DIAPH3: variants seen among roughly 807,000 people sequenced by gnomAD.
The protein encoded by DIAPH3 is protein diaphanous homolog 3.
DIAPH3 carries 117 observed loss-of-function variants against 144.3 expected under a neutral mutation model. The observed-to-expected ratio is 0.81, with a 90% CI of 0.70 to 0.95. DIAPH3 has a LOEUF of 0.95. DIAPH3 is among the 40% of genes least tolerant of loss of function. The pLI is 0.00. For synonymous variants in DIAPH3, 519 were observed against 488.9 expected, an observed-to-expected ratio of 1.06 and a Z score of -0.81; for missense variants, 1,421 against 1,412.7, an observed-to-expected ratio of 1.01 and a Z score of -0.09.
intron 22 of DIAPH3, among the ~76,000 whole-genome samples, chr13:59,859,896 A>G (rs1330600685): frequency 1.3e-5 from 2 of 152,100 alleles, no homozygotes; most frequent in African/African-American, 4.8e-5. Context: ...ATCTATAACT[A>G]TATATATGGG....
At chr13:59,824,525 G>A (rs1301036539) in intron 24 of DIAPH3, among the ~76,000 whole-genome samples, 1 of 152,118 alleles carries the variant, frequency 6.6e-6, no homozygotes, top group African/African-American at 2.4e-5. Flanking sequence ...CCTATCATAG[G>A]CAGGTTTCAT....
intron 21 of DIAPH3, among the ~76,000 whole-genome samples, chr13:59,868,066 AT>A (rs1405349405): frequency 6.6e-6 from 1 of 152,088 alleles, no homozygotes; most frequent in Non-Finnish European, 1.5e-5. Flanking sequence ...TGGCACTTTC[AT>A]AGTGCCAGTC....
At chr13:59,973,469 C>T (rs2050502018) in intron 15 of DIAPH3, among the ~76,000 whole-genome samples, 1 of 151,854 alleles carries the variant, frequency 6.6e-6, no homozygotes, top group Admixed American at 6.6e-5. Context: ...CCTCTTGCAG[C>T]ACTAAAGAAA....
chr13:59,734,255 T>C (rs183348084), intron 27 of DIAPH3, among the ~76,000 whole-genome samples: 1 of 152,118 alleles, frequency 6.6e-6, no homozygotes, highest in East Asian at 1.9e-4. Flanking sequence ...ACATAATACG[T>C]GACATTCTGC....
chr13:59,780,715 A>C (rs1161848056), intron 25 of DIAPH3, among the ~76,000 whole-genome samples: 1 of 152,216 alleles, frequency 6.6e-6, no homozygotes, highest in African/African-American at 2.4e-5. Flanking sequence ...TGCTAAGGAC[A>C]TGTCTGAGAT....
chr13:59,900,547 G>A (rs1438483714), intron 20 of DIAPH3, among the ~76,000 whole-genome samples: 1 of 152,196 alleles, frequency 6.6e-6, no homozygotes, highest in African/African-American at 2.4e-5. Flanking sequence ...TTTGAGAGGT[G>A]ATAACCAGCA....
chr13:60,155,277 G>A (rs1951970619), intron 1 of DIAPH3, among the ~76,000 whole-genome samples: 1 of 152,042 alleles, frequency 6.6e-6, no homozygotes. Flanking sequence ...AAGCAATTAA[G>A]CCCTGTTCTA....
At chr13:60,114,606 C>T (rs1310066490) in intron 2 of DIAPH3, among the ~76,000 whole-genome samples, 1 of 149,984 alleles carries the variant, frequency 6.7e-6, no homozygotes, top group African/African-American at 2.5e-5. Flanking sequence ...ATTCACAGAT[C>T]CAAGAAGCTC....
At chr13:59,689,281 T>C (rs1189934627) in intron 27 of DIAPH3, among the ~76,000 whole-genome samples, 1 of 151,988 alleles carries the variant, frequency 6.6e-6, no homozygotes, top group African/African-American at 2.4e-5. Context: ...AAGTATTCTG[T>C]TAGGAGTACG....
intron 27 of DIAPH3, among the ~76,000 whole-genome samples, chr13:59,671,539 A>C (rs1214677169): frequency 6.6e-6 from 1 of 152,166 alleles, no homozygotes; most frequent in Non-Finnish European, 1.5e-5. Flanking sequence ...CTCTATGTGC[A>C]ATATATCTAG....
intron 23 of DIAPH3, 37 bp from the exon 24 acceptor site, chr13:59,833,308 T>C (rs1448636521): frequency 1.0e-5 from 16 of 1,545,926 alleles, no homozygotes; most frequent in Non-Finnish European, 1.3e-5. Flanking sequence ...ATTTACAAAG[T>C]AATGCTTTGG....
intron 15 of DIAPH3, among the ~76,000 whole-genome samples, chr13:59,973,770 C>T (rs935017621): frequency 6.6e-6 from 1 of 152,062 alleles, no homozygotes; most frequent in Non-Finnish European, 1.5e-5. Context: ...AATATTCTAC[C>T]TCCTTACTTA....
intron 3 of DIAPH3, among the ~76,000 whole-genome samples, chr13:60,109,958 TTAAGTATAACTAA>T (rs2058521990): frequency 1.3e-5 from 2 of 152,186 alleles, no homozygotes; most frequent in African/African-American, 4.8e-5. Flanking sequence ...GGAAAAGTCT[TTAAGTATAACTAA>T]AAATTCAACA....
At chr13:59,829,319 G>C (rs567157003) in intron 24 of DIAPH3, among the ~76,000 whole-genome samples, 1 of 152,104 alleles carries the variant, frequency 6.6e-6, no homozygotes, top group Non-Finnish European at 1.5e-5. Flanking sequence ...AGAGGGGTTA[G>C]GTTTCAAGCT....
At chr13:60,053,547 C>G (rs1414464759) in intron 4 of DIAPH3, among the ~76,000 whole-genome samples, 1 of 152,014 alleles carries the variant, frequency 6.6e-6, no homozygotes, top group Non-Finnish European at 1.5e-5. Context: ...TTCTGTTCGT[C>G]TAAAACTAAA....
rs1260970013 is a variant in DIAPH3, at chr13:60,051,328, A to C, written c.496-8508T>G. Among the ~76,000 whole-genome samples the C allele has an allele frequency of 2.0e-5, 3 of 152,142 alleles. No homozygotes were observed. The East Asian group carries it at 5.8e-4, about 29-fold the overall frequency. On this transcript the variant is annotated intron_variant, in intron 4 of 27. Transcript: ENST00000400324. ...GGGAGGTAGGTACAGGCTCAGAAAA[A>C]CAAACAAGCAGCCAAACAAGGTGGC... is the stretch of plus-strand genomic sequence containing the variant.
chr13:59,829,899 T>A (rs341516), intron 24 of DIAPH3, among the ~76,000 whole-genome samples: 1 of 151,654 alleles, frequency 6.6e-6, no homozygotes, highest in Non-Finnish European at 1.5e-5. Flanking sequence ...ACCCCTGATA[T>A]GTAATACAAA....
Position 59,993,784 on chromosome 13 carries a change from G to A in DIAPH3, c.1015-1201C>T, listed in dbSNP as rs540432622. Among the ~76,000 whole-genome samples the A allele has an allele frequency of 9.0e-5, 13 of 144,418 alleles. No individual in the cohort carries two copies. In the East Asian group the frequency reaches 2.4e-3, roughly 27 times the overall value. The allele number at this position is 144,418 out of a possible 152,430, so 94.7% of individuals were successfully genotyped here. ...AGCTGTAACCAGTTCATGTCAAAAAGTCAAGTTTAAAATGTTTTCCTTCCA... is the reference window on the plus strand; with the variant it reads ...AGCTGTAACCAGTTCATGTCAAAAAATCAAGTTTAAAATGTTTTCCTTCCA... On this transcript the variant is annotated intron_variant, in intron 9 of 27. Coordinates refer to ENST00000400324, the MANE Select transcript of DIAPH3 (RefSeq NM_001042517.2).
In DIAPH3 at chr13:59,765,386, T is replaced by C. The variant is rs899740245; in HGVS notation, c.3319+8803A>G. On this transcript the variant is annotated intron_variant, in intron 27 of 27. Transcript: ENST00000400324. The stretch of plus-strand genomic sequence containing the variant: ...TATTTTGAATTTATTGAGTAGCTAC[T>C]CAATTCTAGGCACTACATCACAAAT... 2.0e-5 allele frequency among the ~76,000 whole-genome samples: 3 copies of C among 152,330 alleles called. No individual in the cohort carries two copies. The East Asian group carries it at 5.8e-4, about 29-fold the overall frequency.
Sources: allele counts gnomAD v4.1 joint callset (sites outside exome capture counted in the v4.1 genomes callset), GRCh38; gene constraint gnomAD v4.1.1; transcripts MANE v1.5; gene names NCBI Gene and HGNC (gene_info 2026-07-23, HGNC 2026-07-21).